The following SIX5 variants were observed in gnomAD, a reference collection of about 807,000 sequenced individuals.
SIX5 encodes homeobox protein SIX5.
Under a neutral mutation model 37.1 loss-of-function variants are expected in SIX5, and 21 were observed. The ratio of observed to expected loss-of-function variants is 0.57; its 90% CI spans 0.40 to 0.81. SIX5 has a LOEUF of 0.81. Among genes scored for constraint, SIX5 ranks in the 40% least tolerant of loss-of-function variants. SIX5 has a pLI of 0.00. For synonymous variants in SIX5, 626 were observed against 505.9 expected, an observed-to-expected ratio of 1.24 and a Z score of -3.19; for missense variants, 1,137 against 1,025.1, an observed-to-expected ratio of 1.11 and a Z score of -1.49.
Position 45,768,336 on chromosome 19 carries a change from T to C in SIX5, c.509A>G (p.His170Arg), listed in dbSNP as rs781735901. 1.6e-5 allele frequency: 25 copies of C among 1,603,296 alleles called. No homozygotes were observed. Among genetic ancestry groups the C allele is most frequent in the Non-Finnish European group, 2.1e-5 (25 of 1,176,174 alleles). ...GCGGCCGCGGGCCCGCTCGGCCTCA[T>C]GGTAGCGCGCGCGCAGGTAGAGGTC... ...LQDLYLRARY[H>R]EAERARGRAL... The change falls in exon 1 of 3, where the codon CAT becomes CGT. Residue 170 changes from histidine to arginine, a missense_variant. This residue lies in a region of SIX5 where 331 missense variants were observed against 360.9 expected (regional missense o/e 0.92). Transcript: ENST00000317578.
In SIX5 at chr19:45,769,120, G is replaced by A. The variant is rs897652349; in HGVS notation, c.-276C>T. ...CGCTTTCTGCCTCCCCCCAGCGTGT[G>A]CTTCTGGCTCAGGGCCTCAGTTTCC... On this transcript the variant is annotated 5_prime_UTR_variant, in exon 1 of 3. Coordinates refer to ENST00000317578, the MANE Select transcript of SIX5 (RefSeq NM_175875.5). 4.1e-6 allele frequency: 2 copies of A among 489,282 alleles called. No homozygotes were observed. Among genetic ancestry groups the A allele is most frequent in the South Asian group, 2.7e-5 (1 of 36,468 alleles). 30.3% of individuals were successfully genotyped at this position (489,282 alleles called of 1,614,324 possible).
chr19:45,767,200 G>A (rs1289977918), intron 1 of SIX5, 45 bp from the exon 2 acceptor site: 2 of 1,585,312 alleles, frequency 1.3e-6, no homozygotes, highest in South Asian at 1.1e-5. Flanking sequence ...TAGCCTGTGG[G>A]GCCTCCCGCA....
rs1185239726 is a variant in SIX5 at position 45,766,615 on chromosome 19, C to T, written c.1344G>A (p.Val448=). The T allele has an allele frequency of 6.8e-7, 1 of 1,469,564 alleles. No homozygotes were observed. Among genetic ancestry groups the T allele is most frequent in the Non-Finnish European group, 9.0e-7 (1 of 1,107,416 alleles). 91.0% of individuals were successfully genotyped at this position (1,469,564 alleles called of 1,614,324 possible). Residue 448 remains valine, a synonymous_variant, in exon 2 of 3, where the codon GTG becomes GTA. Coordinates refer to ENST00000317578, the MANE Select transcript of SIX5 (RefSeq NM_175875.5). ...FPLPPGPVPA[V]AAPQVVPLSP... The stretch of plus-strand genomic sequence containing the variant: ...AGAGCGGTACCACTTGTGGGGCAGC[C>T]ACAGCAGGCACTGGCCCCGGGGGCA...
chr19:45,768,158 G>A lies in SIX5; in HGVS notation c.687C>T (p.Asp229=), dbSNP rs374669672. 2.5e-6 allele frequency: 4 copies of A among 1,612,162 alleles called. No homozygotes were observed. Among genetic ancestry groups the A allele is most frequent in the Non-Finnish European group, 3.4e-6 (4 of 1,179,626 alleles). ...CYRGNRYPTP[D]EKRRLATLTG... Reference sequence around the variant, plus strand: ...TGAGTGTGGCCAGGCGGCGCTTCTCGTCCGGCGTGGGGTAGCGGTTGCCGC... The same window carrying A: ...TGAGTGTGGCCAGGCGGCGCTTCTCATCCGGCGTGGGGTAGCGGTTGCCGC... The change falls in exon 1 of 3, where the codon GAC becomes GAT. Residue 229 remains aspartate, a synonymous_variant. Coordinates refer to ENST00000317578, the MANE Select transcript of SIX5 (RefSeq NM_175875.5).
In SIX5 at chr19:45,766,682, G is replaced by A; in HGVS notation, c.1277C>T (p.Ala426Val). ...CGTCGGGGGGCCAGGCACCACTTGG[G>A]CCAGGGGCCCCAGGACCTCCTCTCC... The part of the protein sequence containing the change: ...ALGEEVLGPL[A>V]QVVPGPPTAA... Residue 426 changes from alanine (A) to valine (V), a missense_variant, in exon 2 of 3, where the codon GCC becomes GTC. Physicochemically the swap from Ala to Val is moderately conservative, Grantham distance 64. Around this residue, in one of 3 missense-constraint regions of SIX5, gnomAD observed 787 missense variants for 621.4 expected, o/e 1.27. Transcript: ENST00000317578. The A allele has an allele frequency of 6.6e-7, 1 of 1,511,350 alleles. No homozygotes were observed. The highest frequency in any genetic ancestry group is 8.9e-7 in the Non-Finnish European group (1 of 1,129,484). The allele number at this position is 1,511,350 out of a possible 1,614,324, so 93.6% of individuals were successfully genotyped here. A position where few individuals can be genotyped will look rare whatever the true frequency, so the allele number is the denominator to read the frequency against.
rs1239822451 is a variant in SIX5 at position 45,766,057 on chromosome 19, G to A, written c.1664C>T (p.Ala555Val). 6 of 1,611,680 alleles carry A rather than the reference G, an allele frequency of 3.7e-6. No individual in the cohort carries two copies. The highest frequency in any genetic ancestry group is 5.1e-6 in the Non-Finnish European group (6 of 1,179,124). The change falls in exon 3 of 3, where the codon GCC becomes GTC. Residue 555 changes from alanine to valine, a missense_variant. Ala to Val is a moderately conservative substitution (Grantham distance 64). Transcript: ENST00000317578. ...GAGGATGATCTTGCCCTGCTGCAGG[G>A]CCACACCCGTCACGATGGGGCTGCC... ...VSGSPIVTGV[A>V]LQQGKIILTA...
At chr19:45,767,694 G>A (rs2146207934) in intron 1 of SIX5, 1 of 382,372 alleles carries the variant, frequency 2.6e-6, no homozygotes, top group Non-Finnish European at 4.7e-6. Context: ...AAGAAAGGGG[G>A]CTGGGAGGCA....
At position 45,766,787 on chromosome 19, in the gene SIX5, C is replaced by T. The variant is rs751264500; in HGVS notation, c.1172G>A (p.Gly391Glu). 5.7e-6 allele frequency: 9 copies of T among 1,577,336 alleles called. No homozygotes were observed. The South Asian group carries it at 5.8e-5, about 10-fold the overall frequency. The change falls in exon 2 of 3, where the codon GGG (glycine) becomes GAG (glutamate). Residue 391 changes from glycine to glutamate, a missense_variant. Coordinates refer to ENST00000317578, the MANE Select transcript of SIX5 (RefSeq NM_175875.5). ...CTGAGCCTCCTCCAGCCGCACCTCC[C>T]CTGTCTGAGGGTCCAGGACCAGAGA... The part of the protein sequence containing the change: ...KTSLVLDPQT[G>E]EVRLEEAQSE...
At position 45,768,615 on chromosome 19, in the gene SIX5, G is replaced by A. The variant is rs1161188618; in HGVS notation, c.230C>T (p.Ala77Val). 5 of 1,288,652 alleles carry A rather than the reference G, an allele frequency of 3.9e-6. No homozygotes were observed. In the East Asian group the frequency reaches 1.3e-4, roughly 32 times the overall value. The allele number at this position is 1,288,652 out of a possible 1,614,324, so 79.8% of individuals were successfully genotyped here. A position where few individuals can be genotyped will look rare whatever the true frequency, so the allele number is the denominator to read the frequency against. The change falls in exon 1 of 3, where the codon GCT (alanine) becomes GTT (valine). Residue 77 changes from alanine (A) to valine (V), a missense_variant. Transcript: ENST00000317578. ...GCGGAGGCCCGTGGGCGGTTCGGAA[G>A]CGGCCTCGGGGGGCGACCCGGGGAC... ...PGVPGSPPEAASEPPTGLRFS... is the reference protein window; with the variant it reads ...PGVPGSPPEAVSEPPTGLRFS...
rs1356567547 is a variant in SIX5, at chr19:45,768,440, G to T, written c.405C>A (p.Phe135Leu). ...PVLRARALVA[F>L]QRGEYAELYR... Reference sequence around the variant, plus strand: ...AGAGCTCGGCGTACTCGCCCCGCTGGAAGGCCACCAGGGCCCGCGCGCGCA... The same window carrying T: ...AGAGCTCGGCGTACTCGCCCCGCTGTAAGGCCACCAGGGCCCGCGCGCGCA... The change falls in exon 1 of 3, where the codon TTC (phenylalanine) becomes TTA (leucine). Residue 135 changes from phenylalanine to leucine, a missense_variant. Phe to Leu is a conservative substitution (Grantham distance 22, BLOSUM62 0). Around this residue, in one of 3 missense-constraint regions of SIX5, gnomAD observed 331 missense variants for 360.9 expected, o/e 0.92. Transcript: ENST00000317578. 3 of 1,535,512 alleles carry T rather than the reference G, an allele frequency of 2.0e-6. No individual in the cohort carries two copies. The highest frequency in any genetic ancestry group is 1.9e-5 in the Admixed American group (1 of 51,322).
chr19:45,766,033 A>T lies in SIX5; in HGVS notation c.1688T>A (p.Leu563His). ...GVALQQGKII[L>H]TATFPTSMLV... ...CATGCTGGTGGGGAAGGTGGCGGTG[A>T]GGATGATCTTGCCCTGCTGCAGGGC... The change falls in exon 3 of 3, where the codon CTC becomes CAC. Residue 563 changes from leucine (L) to histidine (H), a missense_variant. This residue lies in a region of SIX5 where 787 missense variants were observed against 621.4 expected (regional missense o/e 1.27). Transcript: ENST00000317578. 6.2e-7 allele frequency: 1 copy of T among 1,611,486 alleles called. No homozygotes were observed. The highest frequency in any genetic ancestry group is 8.5e-7 in the Non-Finnish European group (1 of 1,179,112).
In SIX5 at chr19:45,768,162, G is replaced by T. The variant is rs1347508301; in HGVS notation, c.683C>A (p.Pro228Gln). 3.1e-6 allele frequency: 5 copies of T among 1,612,446 alleles called. No individual in the cohort carries two copies. Among genetic ancestry groups the T allele is most frequent in the Non-Finnish European group, 4.2e-6 (5 of 1,179,674 alleles). Reference sequence around the variant, plus strand: ...TGTGGCCAGGCGGCGCTTCTCGTCCGGCGTGGGGTAGCGGTTGCCGCGGTA... The same window carrying T: ...TGTGGCCAGGCGGCGCTTCTCGTCCTGCGTGGGGTAGCGGTTGCCGCGGTA... The part of the protein sequence containing the change: ...ACYRGNRYPT[P>Q]DEKRRLATLT... Residue 228 changes from proline (P) to glutamine (Q), a missense_variant, in exon 1 of 3, where the codon CCG (proline) becomes CAG (glutamine). This residue lies in a region of SIX5 where 331 missense variants were observed against 360.9 expected (regional missense o/e 0.92). Transcript: ENST00000317578.
In SIX5 at chr19:45,768,591, C is replaced by G; in HGVS notation, c.254G>C (p.Arg85Pro). 1 of 1,353,520 alleles carries G rather than the reference C, an allele frequency of 7.4e-7. No homozygotes were observed. The highest frequency in any genetic ancestry group is 3.9e-5 in the Admixed American group (1 of 25,368). The allele number at this position is 1,353,520 out of a possible 1,614,324, so 83.8% of individuals were successfully genotyped here. Residue 85 changes from arginine to proline, a missense_variant, in exon 1 of 3, where the codon CGC becomes CCC. Coordinates refer to ENST00000317578, the MANE Select transcript of SIX5 (RefSeq NM_175875.5). The stretch of plus-strand genomic sequence containing the variant: ...GCACGCCACCTGCTCGGGCGAGAAG[C>G]GGAGGCCCGTGGGCGGTTCGGAAGC... ...EAASEPPTGL[R>P]FSPEQVACVC...
At position 45,765,397 on chromosome 19, in the gene SIX5, G is replaced by A; in HGVS notation, c.*104C>T. On this transcript the variant is annotated 3_prime_UTR_variant, in exon 3 of 3. Transcript: ENST00000317578. ...GAGGCCACCCAGGCAGAAGGATGTG[G>A]TGACTGGGGTCTTCAGCAACCGCAT... is the stretch of plus-strand genomic sequence containing the variant. The A allele has an allele frequency of 6.5e-7, 1 of 1,533,570 alleles. No homozygotes were observed. 95.0% of individuals were successfully genotyped at this position (1,533,570 alleles called of 1,614,324 possible). A position where few individuals can be genotyped will look rare whatever the true frequency, so the allele number is the denominator to read the frequency against.
In SIX5 at chr19:45,766,584, G is replaced by C. The variant is rs759470753; in HGVS notation, c.1375C>G (p.Pro459Ala). The C allele has an allele frequency of 4.8e-6, 7 of 1,471,042 alleles. No homozygotes were observed. Among genetic ancestry groups the C allele is most frequent in the Non-Finnish European group, 1.8e-6 (2 of 1,105,864 alleles). The allele number at this position is 1,471,042 out of a possible 1,614,324, so 91.1% of individuals were successfully genotyped here. The change falls in exon 2 of 3, where the codon CCC becomes GCC. Residue 459 changes from proline (P) to alanine (A), a missense_variant. Around this residue, in one of 3 missense-constraint regions of SIX5, gnomAD observed 787 missense variants for 621.4 expected, o/e 1.27. Transcript: ENST00000317578. ...CTCAGGCCCGTGGGATACCCCGGGG[G>C]TGGGGAGAGCGGTACCACTTGTGGG... ...AAPQVVPLSPPPGYPTGLSPT... is the reference protein window; with the variant it reads ...AAPQVVPLSPAPGYPTGLSPT...
rs1969053521 is a variant in SIX5 at position 45,765,661 on chromosome 19, G to A, written c.2060C>T (p.Thr687Ile). ...CCTCAGCACGGTGTGGGGGGCCTGT[G>A]TCCCCAGCCCCTTTTCCGCTTCCAG... is the stretch of plus-strand genomic sequence containing the variant. ...GLLEAEKGLG[T>I]QAPHTVLRLP... is the part of the protein sequence containing the mutation. Residue 687 changes from threonine (T) to isoleucine (I), a missense_variant, in exon 3 of 3, where the codon ACA becomes ATA. Thr to Ile is a moderately conservative substitution (Grantham distance 89). Around this residue, in one of 3 missense-constraint regions of SIX5, gnomAD observed 787 missense variants for 621.4 expected, o/e 1.27. Coordinates refer to ENST00000317578, the MANE Select transcript of SIX5 (RefSeq NM_175875.5). 3 of 1,612,602 alleles carry A rather than the reference G, an allele frequency of 1.9e-6. No individual in the cohort carries two copies. Among genetic ancestry groups the A allele is most frequent in the Non-Finnish European group, 2.5e-6 (3 of 1,179,574 alleles).
rs750239810 is a variant in SIX5 at position 45,768,314 on chromosome 19, G to C, written c.531C>G (p.Gly177=). ...ACTTGTCCACTGCGCCAAGCGCGCGGCCGCGGGCCCGCTCGGCCTCATGGT... is the reference window on the plus strand; with the variant it reads ...ACTTGTCCACTGCGCCAAGCGCGCGCCCGCGGGCCCGCTCGGCCTCATGGT... ...ARYHEAERAR[G]RALGAVDKYR... is the part of the protein sequence containing the mutation. Residue 177 remains glycine (G), a synonymous_variant, in exon 1 of 3, where the codon GGC becomes GGG. Coordinates refer to ENST00000317578, the MANE Select transcript of SIX5 (RefSeq NM_175875.5). The C allele has an allele frequency of 1.2e-6, 2 of 1,609,056 alleles. No individual in the cohort carries two copies. The highest frequency in any genetic ancestry group is 2.7e-5 in the African/African-American group (2 of 74,880).
Position 45,768,694 on chromosome 19 carries a change from C to A in SIX5, c.151G>T (p.Gly51Trp). ...GCAGCCGCTGCGCCCGCCCCGGCCCCGGCCGCCGCCGCCGCCTCACCCTCG... is the reference window on the plus strand; with the variant it reads ...GCAGCCGCTGCGCCCGCCCCGGCCCAGGCCGCCGCCGCCGCCTCACCCTCG... ...AAEGEAAAAAGAGAGAAAAGA... is the reference protein window; with the variant it reads ...AAEGEAAAAAWAGAGAAAAGA... Residue 51 changes from glycine to tryptophan, a missense_variant, in exon 1 of 3, where the codon GGG becomes TGG. By Grantham distance (184) the Gly-to-Trp change is radical (BLOSUM62 -2). Transcript: ENST00000317578. 2.2e-6 allele frequency: 3 copies of A among 1,347,658 alleles called. No individual in the cohort carries two copies. Among genetic ancestry groups the A allele is most frequent in the Non-Finnish European group, 2.8e-6 (3 of 1,057,404 alleles). The allele number at this position is 1,347,658 out of a possible 1,614,324, so 83.5% of individuals were successfully genotyped here.
At position 45,766,732 on chromosome 19, in the gene SIX5, C is replaced by A. The variant is rs866213859; in HGVS notation, c.1227G>T (p.Gln409His). ...CAAGGGCTGGTCCCGGAGCAGCCAC[C>A]TGGGCCCCTTTGGTCTCAGGGGCCT... ...QSEAPETKGA[Q>H]VAAPGPALGE... The change falls in exon 2 of 3, where the codon CAG (glutamine) becomes CAT (histidine). Residue 409 changes from glutamine to histidine, a missense_variant. By Grantham distance (24) the Gln-to-His change is conservative. Around this residue, in one of 3 missense-constraint regions of SIX5, gnomAD observed 787 missense variants for 621.4 expected, o/e 1.27. Coordinates refer to ENST00000317578, the MANE Select transcript of SIX5 (RefSeq NM_175875.5). 6.4e-7 allele frequency: 1 copy of A among 1,573,426 alleles called. No homozygotes were observed. The highest frequency in any genetic ancestry group is 2.4e-5 in the East Asian group (1 of 42,322).
Sources: gnomAD v4.1 joint callset for allele counts on GRCh38, gnomAD v4.1.1 for gene constraint, gnomAD v4.1.1 regional missense constraint, MANE v1.5 for transcripts, NCBI Gene and HGNC (gene_info 2026-07-23, HGNC 2026-07-21) for gene names.